The following FYN variants were observed in gnomAD, a reference collection of about 807,000 sequenced individuals.
The protein encoded by FYN is tyrosine-protein kinase Fyn.
A neutral mutation model predicts 70.2 loss-of-function variants in FYN; 10 were observed. The observed-to-expected ratio is 0.14, with a 90% CI of 0.09 to 0.24. The LOEUF (loss-of-function observed/expected upper bound fraction) is 0.24. Among genes scored for constraint, FYN ranks in the 10% least tolerant of loss-of-function variants. The pLI is 1.00. For missense variants in FYN, 319 were observed against 673.1 expected (o/e 0.47, Z 5.82); for synonymous variants, 236 against 248.6 (o/e 0.95, Z 0.48).
intron 3 of FYN, among the ~76,000 whole-genome samples, chr6:111,730,008 T>G (rs1441019445): frequency 6.6e-6 from 1 of 152,214 alleles, no homozygotes; most frequent in Non-Finnish European, 1.5e-5. Context: ...CAACTACACA[T>G]TGATGAAGTA....
intron 12 of FYN, among the ~76,000 whole-genome samples, chr6:111,677,291 CAAGG>C (rs1418764477): frequency 6.6e-6 from 1 of 152,166 alleles, no homozygotes; most frequent in Non-Finnish European, 1.5e-5. Context: ...TTTTCCTTTT[CAAGG>C]AAGACAAAAG....
chr6:111,676,000 T>C (rs1027627721), intron 12 of FYN, among the ~76,000 whole-genome samples: 1 of 152,176 alleles, frequency 6.6e-6, no homozygotes, highest in South Asian at 2.1e-4. Context: ...AGCATGTTCA[T>C]TCTGCTTAAG....
chr6:111,798,118 T>C (rs1284189823), intron 2 of FYN, among the ~76,000 whole-genome samples: 1 of 152,146 alleles, frequency 6.6e-6, no homozygotes, highest in Non-Finnish European at 1.5e-5. Flanking sequence ...TTAAGAGATA[T>C]TTTCATTTTC....
intron 4 of FYN, among the ~76,000 whole-genome samples, chr6:111,715,405 C>T (rs532041699): frequency 6.6e-6 from 1 of 152,150 alleles, no homozygotes; most frequent in South Asian, 2.1e-4. Context: ...CTAGCATAGT[C>T]CCCAGTGACT....
At chr6:111,798,329 A>C (rs933267701) in intron 2 of FYN, 1 of 152,234 alleles carries the variant, frequency 6.6e-6, no homozygotes, top group African/African-American at 2.4e-5. Context: ...TTTTAAATAA[A>C]TATATTCATA....
rs1276587324 is a variant in FYN, at chr6:111,714,375, C to T, written c.316G>A (p.Gly106Arg). 6.2e-7 allele frequency: 1 copy of T among 1,613,880 alleles called. No individual in the cohort carries two copies. The highest frequency in any genetic ancestry group is 8.5e-7 in the Non-Finnish European group (1 of 1,179,892). Residue 106 changes from glycine (G) to arginine (R), a missense_variant, in exon 5 of 14, where the codon GGA becomes AGA. Transcript: ENST00000354650. ...RTEDDLSFHK[G>R]EKFQILNSSE... Reference sequence around the variant, plus strand: ...CTGTTCAATATTTGAAATTTTTCTCCTTTGTGAAAACTCAGGTCATCTTCT... The same window carrying T: ...CTGTTCAATATTTGAAATTTTTCTCTTTTGTGAAAACTCAGGTCATCTTCT...
At chr6:111,662,089 C>T in intron 13 of FYN, 142 bp from the exon 14 acceptor site, 2 of 631,062 alleles carry the variant, frequency 3.2e-6, no homozygotes, top group Non-Finnish European at 5.4e-6. Context: ...GAGTCAAACC[C>T]TGCCATGCTA....
At chr6:111,687,378 G>A (rs922040088) in intron 12 of FYN, among the ~76,000 whole-genome samples, 10 of 152,030 alleles carry the variant, frequency 6.6e-5, no homozygotes, top group African/African-American at 2.4e-4. Flanking sequence ...ACAAAGACCC[G>A]AATGTTCCTA....
chr6:111,789,022 T>C (rs1422126976), intron 2 of FYN, among the ~76,000 whole-genome samples: 2 of 151,736 alleles, frequency 1.3e-5, no homozygotes, highest in Non-Finnish European at 2.9e-5. Context: ...TTTGCTTGAG[T>C]GGGAGTAAAC....
intron 3 of FYN, among the ~76,000 whole-genome samples, chr6:111,762,717 C>A (rs1403573134): frequency 1.3e-5 from 2 of 152,094 alleles, no homozygotes; most frequent in African/African-American, 2.4e-5. Context: ...GGTGTCCAAC[C>A]TTTTGTCTTC....
chr6:111,842,032 C>G lies in FYN; in HGVS notation c.-82+4557G>C, dbSNP rs553868190. ...ACACACCCATGCATGCATTCTTGCT[C>G]TTTCTCTCCCTGCCCGCAAGTCAAA... On this transcript the variant is annotated intron_variant, in intron 2 of 13. Coordinates refer to ENST00000354650, the MANE Select transcript of FYN (RefSeq NM_002037.5). Among the ~76,000 whole-genome samples, 472 of 152,074 alleles carry G rather than the reference C, an allele frequency of 3.1e-3. 3 individuals carry two copies. Among genetic ancestry groups the G allele is most frequent in the Non-Finnish European group, 3.5e-3 (235 of 67,972 alleles).
At chr6:111,674,371 G>A (rs1798443831) in intron 13 of FYN, 128 bp downstream of exon 13, 1 of 1,044,442 alleles carries the variant, frequency 9.6e-7, no homozygotes, top group African/African-American at 1.6e-5. Flanking sequence ...ACCTGGCCAT[G>A]TTCTTCAAAC....
At chr6:111,792,951 G>C (rs761062707) in intron 2 of FYN, among the ~76,000 whole-genome samples, 18 of 152,120 alleles carry the variant, frequency 1.2e-4, no homozygotes, top group Non-Finnish European at 2.5e-4. Flanking sequence ...CCTGGCCGCT[G>C]GTTACAAAGG....
chr6:111,722,083 C>T (rs1800978298), intron 3 of FYN, among the ~76,000 whole-genome samples: 1 of 152,194 alleles, frequency 6.6e-6, no homozygotes, highest in Non-Finnish European at 1.5e-5. Context: ...CCTGGGCACT[C>T]TTCTGAGCAC....
chr6:111,713,618 A>C (rs1800489695), intron 5 of FYN, among the ~76,000 whole-genome samples: 1 of 152,066 alleles, frequency 6.6e-6, no homozygotes, highest in South Asian at 2.1e-4. Context: ...AATCTAATAG[A>C]GGCAGTATTT....
At chr6:111,786,309 G>T (rs1469988683) in intron 2 of FYN, among the ~76,000 whole-genome samples, 1 of 151,820 alleles carries the variant, frequency 6.6e-6, no homozygotes, top group East Asian at 1.9e-4. Flanking sequence ...AACATGCGGT[G>T]TTTGGTTTTT....
chr6:111,741,895 G>C (rs187724905), intron 3 of FYN, among the ~76,000 whole-genome samples: 2 of 152,354 alleles, frequency 1.3e-5, no homozygotes, highest in East Asian at 3.9e-4. Flanking sequence ...CCAGGGTTAT[G>C]CTGGCTGTGC....
chr6:111,732,722 G>A (rs528804686), intron 3 of FYN, among the ~76,000 whole-genome samples: 8 of 152,330 alleles, frequency 5.3e-5, no homozygotes, highest in Admixed American at 1.3e-4. Context: ...CTTCAAAAGG[G>A]AGCTGGTCGT....
chr6:111,850,938 C>T (rs1407627941), intron 1 of FYN, among the ~76,000 whole-genome samples: 1 of 152,224 alleles, frequency 6.6e-6, no homozygotes, highest in Non-Finnish European at 1.5e-5. Flanking sequence ...TTTCCTCCAA[C>T]CATTCATTCT....
Sources: gnomAD v4.1 joint callset for allele counts (sites outside exome capture counted in the v4.1 genomes callset) on GRCh38, gnomAD v4.1.1 for gene constraint, MANE v1.5 for transcripts, NCBI Gene and HGNC (gene_info 2026-07-23, HGNC 2026-07-21) for gene names.